The following EPHA3 variants were observed in gnomAD, a reference collection of about 807,000 sequenced individuals.
EPHA3 encodes EPH receptor A3.
Under a neutral mutation model 107.1 loss-of-function variants are expected in EPHA3, and 42 were observed. The observed-to-expected ratio is 0.39, with a 90% CI of 0.31 to 0.51. EPHA3 has a LOEUF of 0.51. Among genes scored for constraint, EPHA3 ranks in the 20% least tolerant of loss-of-function variants. The pLI, the probability that EPHA3 is intolerant of heterozygous loss-of-function variation, is 0.78. For missense variants in EPHA3, 1,183 were observed against 1,211.2 expected, an observed-to-expected ratio of 0.98 and a Z score of 0.35; for synonymous variants, 461 against 424.8, an observed-to-expected ratio of 1.09 and a Z score of -1.05.
chr3:89,166,410 G>A lies in EPHA3; in HGVS notation c.153+39137G>A, dbSNP rs527780200. 2.7e-5 allele frequency among the ~76,000 whole-genome samples: 4 copies of A among 148,220 alleles called. No homozygotes were observed. In the South Asian group the frequency reaches 8.3e-4, roughly 31 times the overall value. ...TTGAAATAACTAAAACACATGGAGAGGAAGGGTAGTTATTGGATGCCTGTA... is the reference window on the plus strand; with the variant it reads ...TTGAAATAACTAAAACACATGGAGAAGAAGGGTAGTTATTGGATGCCTGTA... On this transcript the variant is annotated intron_variant, in intron 2 of 16. Coordinates refer to ENST00000336596, the MANE Select transcript of EPHA3 (RefSeq NM_005233.6).
chr3:89,266,472 T>G (rs1254815708), intron 3 of EPHA3, among the ~76,000 whole-genome samples: 3 of 152,154 alleles, frequency 2.0e-5, no homozygotes, highest in African/African-American at 7.2e-5. Context: ...AATTGAGGAT[T>G]TAAATTCAAT....
intron 13 of EPHA3, among the ~76,000 whole-genome samples, chr3:89,434,068 A>G (rs1312586744): frequency 6.6e-6 from 1 of 152,162 alleles, no homozygotes; most frequent in Non-Finnish European, 1.5e-5. Context: ...GCTTACTTAT[A>G]TTGTCCGTGT....
intron 3 of EPHA3, among the ~76,000 whole-genome samples, chr3:89,294,510 A>G (rs1041913684): frequency 6.4e-5 from 9 of 141,480 alleles, no homozygotes; most frequent in African/African-American, 2.6e-4. Context: ...TCTTACACAC[A>G]CACACAGAAG....
chr3:89,380,500 A>T (rs1708480565), intron 5 of EPHA3, among the ~76,000 whole-genome samples: 1 of 152,182 alleles, frequency 6.6e-6, no homozygotes, highest in South Asian at 2.1e-4. Flanking sequence ...GGTCTGGTGT[A>T]ACAATGCCCT....
chr3:89,212,593 A>AT (rs10706823), intron 3 of EPHA3, among the ~76,000 whole-genome samples: 6,236 of 149,038 alleles, frequency 0.042, 409 homozygotes, highest in African/African-American at 0.14. Flanking sequence ...AAACATCATG[A>AT]TTTTTTTTTT....
At chr3:89,325,755 C>T (rs888443136) in intron 3 of EPHA3, among the ~76,000 whole-genome samples, 1 of 152,060 alleles carries the variant, frequency 6.6e-6, no homozygotes, top group Non-Finnish European at 1.5e-5. Flanking sequence ...AGGTTAGACA[C>T]TGTACATACC....
intron 1 of EPHA3, among the ~76,000 whole-genome samples, chr3:89,124,366 A>G (rs1197533039): frequency 1.3e-5 from 2 of 152,162 alleles, no homozygotes; most frequent in African/African-American, 4.8e-5. Context: ...TGTATACTCA[A>G]ACAGTTCTAC....
chr3:89,327,519 T>C (rs1306364095), intron 3 of EPHA3, among the ~76,000 whole-genome samples: 8 of 152,158 alleles, frequency 5.3e-5, no homozygotes, highest in Admixed American at 2.0e-4. Flanking sequence ...ACAGACTCTA[T>C]CATGTGTTAT....
At chr3:89,250,094 T>G (rs762525823) in intron 3 of EPHA3, among the ~76,000 whole-genome samples, 3 of 152,240 alleles carry the variant, frequency 2.0e-5, no homozygotes, top group East Asian at 3.8e-4. Context: ...TTAAAGTTCT[T>G]TTAATTGAAG....
intron 5 of EPHA3, among the ~76,000 whole-genome samples, chr3:89,371,521 T>C (rs1361107070): frequency 6.6e-6 from 1 of 151,690 alleles, no homozygotes; most frequent in African/African-American, 2.4e-5. Context: ...TGGGCTGGTT[T>C]ATTTGTATTC....
At chr3:89,369,927 CA>C (rs1708260204) in intron 5 of EPHA3, among the ~76,000 whole-genome samples, 1 of 150,734 alleles carries the variant, frequency 6.6e-6, no homozygotes, top group Non-Finnish European at 1.5e-5. Context: ...CACTGGCCAT[CA>C]GAGAAATGCA....
intron 3 of EPHA3, among the ~76,000 whole-genome samples, chr3:89,243,495 C>T (rs531628071): frequency 6.6e-6 from 1 of 152,300 alleles, no homozygotes; most frequent in South Asian, 2.1e-4. Context: ...TTGCATTTCT[C>T]TGATGGCCAG....
intron 3 of EPHA3, among the ~76,000 whole-genome samples, chr3:89,242,627 TG>T (rs1489222764): frequency 2.6e-5 from 4 of 152,026 alleles, no homozygotes; most frequent in African/African-American, 9.6e-5. Flanking sequence ...TTAGTAGAGA[TG>T]GGGTTTCACC....
chr3:89,195,282 A>G (rs1705811542), intron 2 of EPHA3, among the ~76,000 whole-genome samples: 1 of 152,006 alleles, frequency 6.6e-6, no homozygotes, highest in African/African-American at 2.4e-5. Flanking sequence ...TCTCCAAGTC[A>G]CCAAGACAGG....
intron 3 of EPHA3, among the ~76,000 whole-genome samples, chr3:89,306,512 T>A (rs1220624023): frequency 6.6e-6 from 1 of 152,156 alleles, no homozygotes; most frequent in Non-Finnish European, 1.5e-5. Flanking sequence ...TTAACAAACT[T>A]TCTCTAAAAG....
chr3:89,417,579 C>A (rs1709273589), intron 10 of EPHA3, among the ~76,000 whole-genome samples: 1 of 151,324 alleles, frequency 6.6e-6, no homozygotes. Context: ...TTTATCACAC[C>A]ATAACTTCTC....
chr3:89,180,604 GT>G (rs1179502071), intron 2 of EPHA3, among the ~76,000 whole-genome samples: 3 of 152,000 alleles, frequency 2.0e-5, no homozygotes, highest in Non-Finnish European at 4.4e-5. Context: ...AAGGGCAGCA[GT>G]TTAGTAGCGT....
At position 89,426,459 on chromosome 3, in the gene EPHA3, G is replaced by A. The variant is rs1374829704; in HGVS notation, c.2075-2647G>A. On this transcript the variant is annotated intron_variant, in intron 11 of 16. Transcript: ENST00000336596. ...GCAGAATCTTTGAACGTAATGCAAA[G>A]CACATTTTCAGACTTGCCCATCTTA... Among the ~76,000 whole-genome samples, 8 of 151,908 alleles carry A rather than the reference G, an allele frequency of 5.3e-5. No homozygotes were observed. In the East Asian group the frequency reaches 1.4e-3, roughly 26 times the overall value.
chr3:89,398,441 C>T (rs1708892286), intron 6 of EPHA3, among the ~76,000 whole-genome samples: 1 of 152,164 alleles, frequency 6.6e-6, no homozygotes, highest in African/African-American at 2.4e-5. Flanking sequence ...TTTTGGGAAG[C>T]ATTTCTAGCC....
Sources: allele counts gnomAD v4.1 joint callset (sites outside exome capture counted in the v4.1 genomes callset), GRCh38; gene constraint gnomAD v4.1.1; transcripts MANE v1.5; gene names NCBI Gene and HGNC (gene_info 2026-07-23, HGNC 2026-07-21).